BRD4: variants seen among roughly 807,000 people sequenced by gnomAD.
BRD4 encodes bromodomain containing 4.
In BRD4, 16 loss-of-function variants were observed where a neutral mutation model predicts 142.1. That is an observed-to-expected ratio of 0.11 (90% confidence interval 0.08 to 0.17). The LOEUF is 0.17. Among genes scored for constraint, BRD4 ranks in the 10% least tolerant of loss-of-function variants. The pLI, the probability that BRD4 is intolerant of heterozygous loss-of-function variation, is 1.00. For missense variants in BRD4, 1,424 were observed against 1,810.9 expected, an observed-to-expected ratio of 0.79 and a Z score of 3.88; for synonymous variants, 833 against 707.5, an observed-to-expected ratio of 1.18 and a Z score of -2.82.
intron 7 of BRD4, among the ~76,000 whole-genome samples, chr19:15,263,069 G>A (rs1401604448): frequency 1.3e-5 from 2 of 152,114 alleles, no homozygotes; most frequent in Admixed American, 6.5e-5. Flanking sequence ...CTCAGCTCAC[G>A]ACTGTGACAG....
chr19:15,238,625 G>C lies in BRD4; in HGVS notation c.4020+118C>G, dbSNP rs1048169655. ...AGCTGAGTCCAGAGGACCACATGCC[G>C]ACCAGCAGGGACGGGGCTCCCCCGC... On this transcript the variant is annotated intron_variant, in intron 19 of 19. Transcript: ENST00000679869. This position sits in a 1 kb window ranked among gnomAD's most constrained non-coding sequence, Gnocchi z 7.2. 6.9e-7 allele frequency: 1 copy of C among 1,457,454 alleles called. No individual in the cohort carries two copies. The highest frequency in any genetic ancestry group is 1.4e-5 in the South Asian group (1 of 69,068). The allele number at this position is 1,457,454 out of a possible 1,614,324, so 90.3% of individuals were successfully genotyped here.
intron 11 of BRD4, chr19:15,253,191 C>T (rs1005742231): frequency 5.1e-5 from 17 of 336,458 alleles, no homozygotes; most frequent in Middle Eastern, 7.8e-4. Context: ...ACCAGCCTAG[C>T]GGCAACCCCG....
At chr19:15,244,647 C>T (rs2145517419) in intron 12 of BRD4, 47 bp from the exon 13 acceptor site, 2 of 1,613,886 alleles carry the variant, frequency 1.2e-6, no homozygotes, top group Non-Finnish European at 1.7e-6. Context: ...GTCAGGCAGG[C>T]AGAACTGGCC....
intron 1 of BRD4, among the ~76,000 whole-genome samples, chr19:15,301,865 G>GAAAAAAAAAAAAAAAAAAAAA (rs952860124): frequency 2.5e-5 from 1 of 40,488 alleles, no homozygotes; most frequent in African/African-American, 8.7e-5. Context: ...CCGTCTCAAA[G>GAAAAAAAAAAAAAAAAAAAAA]AAAAAAAAAA....
chr19:15,280,162 C>T (rs766116283), intron 1 of BRD4: 23 of 761,968 alleles, frequency 3.0e-5, no homozygotes, highest in Non-Finnish European at 3.7e-5. Context: ...CATCATCATC[C>T]CCATGGGGAC....
rs1050038385 is a variant in BRD4 at position 15,283,972 on chromosome 19, C to T, written c.-34-10839G>A. Among the ~76,000 whole-genome samples the T allele has an allele frequency of 4.6e-5, 7 of 151,964 alleles. No homozygotes were observed. In the East Asian group the frequency reaches 5.8e-4, roughly 13 times the overall value. Reference sequence around the variant, plus strand: ...AGCCAAACTAGACCTTTGATGGGCACGAGGAGAGATGGAGCCAGGAACAGA... The same window carrying T: ...AGCCAAACTAGACCTTTGATGGGCATGAGGAGAGATGGAGCCAGGAACAGA... On this transcript the variant is annotated intron_variant, in intron 1 of 19. Transcript: ENST00000679869.
chr19:15,288,666 G>A (rs1031459568), intron 1 of BRD4, among the ~76,000 whole-genome samples: 2 of 152,228 alleles, frequency 1.3e-5, no homozygotes, highest in Admixed American at 6.5e-5. Context: ...ACACAGGCTG[G>A]TGCACTGCCC....
In BRD4 at chr19:15,237,786, C is replaced by CA; in HGVS notation, c.*590dup. 4.4e-6 allele frequency: 1 copy of CA among 229,618 alleles called. No homozygotes were observed. Among genetic ancestry groups the CA allele is most frequent in the Non-Finnish European group, 8.6e-6 (1 of 115,966 alleles). The allele number at this position is 229,618 out of a possible 1,614,324, so 14.2% of individuals were successfully genotyped here. A position where few individuals can be genotyped will look rare whatever the true frequency, so the allele number is the denominator to read the frequency against. ...ACGGCACTATTCCCTTTTGCACAAG[C>CA]AAACACTTACAGAGAGCGGCTCTCA... On this transcript the variant is annotated 3_prime_UTR_variant, in exon 20 of 20. Coordinates refer to ENST00000679869, the MANE Select transcript of BRD4 (RefSeq NM_001379291.1).
At chr19:15,318,299 G>A (rs375655769) in intron 1 of BRD4, among the ~76,000 whole-genome samples, 12 of 152,130 alleles carry the variant, frequency 7.9e-5, no homozygotes, top group East Asian at 5.8e-4. Flanking sequence ...GGGCGGGGGG[G>A]TGAAGGAGTC....
At chr19:15,246,037 AAGACAC>A (rs1157886253) in intron 11 of BRD4, among the ~76,000 whole-genome samples, 1 of 152,212 alleles carries the variant, frequency 6.6e-6, no homozygotes, top group Non-Finnish European at 1.5e-5. Context: ...CACGCCAGAC[AAGACAC>A]AGACACAGAC....
intron 1 of BRD4, among the ~76,000 whole-genome samples, chr19:15,328,212 A>G: frequency 6.6e-6 from 1 of 152,194 alleles, no homozygotes; most frequent in East Asian, 1.9e-4. Context: ...CTCAAGGACT[A>G]ATTGTAGAGA....
chr19:15,294,539 G>A (rs1426346803), intron 1 of BRD4, among the ~76,000 whole-genome samples: 1 of 152,242 alleles, frequency 6.6e-6, no homozygotes, highest in African/African-American at 2.4e-5. Context: ...TAAAAGAACT[G>A]GCCCAGAAAT....
Position 15,239,427 on chromosome 19 carries a change from T to G in BRD4, c.3541A>C (p.Lys1181Gln), listed in dbSNP as rs1238134669. ...GCAACTGGAGTCTTCGGCTCCTGTT[T>G]CTGTTTGTCCTTGTCAGGGGCCCCT... ...PPGAPDKDKQ[K>Q]QEPKTPVAPK... Residue 1181 changes from lysine (K) to glutamine (Q), a missense_variant, in exon 17 of 20, where the codon AAA (lysine) becomes CAA (glutamine). Lys to Gln is a moderately conservative substitution (Grantham distance 53). This residue lies in a region of BRD4 where 49 missense variants were observed against 97.3 expected (regional missense o/e 0.50). Transcript: ENST00000679869. The surrounding 1 kb of genome is among the most constrained non-coding windows in gnomAD (Gnocchi z 7.4). The G allele has an allele frequency of 6.2e-7, 1 of 1,614,158 alleles. No homozygotes were observed. Among genetic ancestry groups the G allele is most frequent in the South Asian group, 1.1e-5 (1 of 91,082 alleles).
Position 15,238,992 on chromosome 19 carries a change from G to A in BRD4, c.3783-12C>T, listed in dbSNP as rs760702028. ...CGTCCTCTCGGCTCCTGGGCAGAGGGTCCCAGTCAGCCTGGGGACTGGTGT... is the reference window on the plus strand; with the variant it reads ...CGTCCTCTCGGCTCCTGGGCAGAGGATCCCAGTCAGCCTGGGGACTGGTGT... On this transcript the variant is annotated splice_polypyrimidine_tract_variant and intron_variant, in intron 18 of 19. Coordinates refer to ENST00000679869, the MANE Select transcript of BRD4 (RefSeq NM_001379291.1). This position sits in a 1 kb window ranked among gnomAD's most constrained non-coding sequence, Gnocchi z 7.2. 25 of 1,579,242 alleles carry A rather than the reference G, an allele frequency of 1.6e-5. No individual in the cohort carries two copies. The highest frequency in any genetic ancestry group is 3.4e-5 in the South Asian group (3 of 88,940).
intron 11 of BRD4, among the ~76,000 whole-genome samples, chr19:15,251,315 A>G (rs2047341239): frequency 6.6e-6 from 1 of 151,348 alleles, no homozygotes; most frequent in African/African-American, 2.4e-5. Flanking sequence ...TAGTGACTCC[A>G]TTCGTTTTCT....
At chr19:15,315,307 T>A (rs1184818752) in intron 1 of BRD4, among the ~76,000 whole-genome samples, 2 of 152,136 alleles carry the variant, frequency 1.3e-5, no homozygotes, top group African/African-American at 4.8e-5. Context: ...GGTATTAGGA[T>A]CTTGTGCAAC....
In BRD4 at chr19:15,237,755, A is replaced by C. The variant is rs1290165147; in HGVS notation, c.*622T>G. 1 of 232,078 alleles carries C rather than the reference A, an allele frequency of 4.3e-6. No homozygotes were observed. Among genetic ancestry groups the C allele is most frequent in the Non-Finnish European group, 8.5e-6 (1 of 117,638 alleles). 14.4% of individuals were successfully genotyped at this position (232,078 alleles called of 1,614,324 possible). A position where few individuals can be genotyped will look rare whatever the true frequency, so the allele number is the denominator to read the frequency against. ...CGCTCCGGATGCCATGGACACACAC[A>C]CCTCCACGGCACTATTCCCTTTTGC... On this transcript the variant is annotated 3_prime_UTR_variant, in exon 20 of 20. Coordinates refer to ENST00000679869, the MANE Select transcript of BRD4 (RefSeq NM_001379291.1).
rs1197134941 is a variant in BRD4, at chr19:15,263,534, G to A, written c.1227C>T (p.Ala409=). 6.2e-7 allele frequency: 1 copy of A among 1,614,058 alleles called. No homozygotes were observed. Among genetic ancestry groups the A allele is most frequent in the African/African-American group, 1.3e-5 (1 of 74,918 alleles). Residue 409 remains alanine, a synonymous_variant, in exon 7 of 20, where the codon GCC becomes GCT. Coordinates refer to ENST00000679869, the MANE Select transcript of BRD4 (RefSeq NM_001379291.1). Reference sequence around the variant, plus strand: ...ACTCCTGAGCATCACGGTACTCACGGGCCTCCAGTTTAGACTGGAAAACAA... The same window carrying A: ...ACTCCTGAGCATCACGGTACTCACGAGCCTCCAGTTTAGACTGGAAAACAA... ...DMSTIKSKLE[A]REYRDAQEFG...
chr19:15,273,336 G>T (rs1167651461), intron 1 of BRD4, among the ~76,000 whole-genome samples: 2 of 152,154 alleles, frequency 1.3e-5, no homozygotes, highest in African/African-American at 4.8e-5. Context: ...CAGCAGGGAG[G>T]AGACCACAAA....
Sources: allele counts gnomAD v4.1 joint callset (sites outside exome capture counted in the v4.1 genomes callset), GRCh38; gene constraint gnomAD v4.1.1; regional missense constraint gnomAD v4.1.1; non-coding constraint Gnocchi (gnomAD v3.1); transcripts MANE v1.5; gene names NCBI Gene and HGNC (gene_info 2026-07-23, HGNC 2026-07-21).